The following RMND1 variants were observed in gnomAD, a reference collection of about 807,000 sequenced individuals.
RMND1 encodes required for meiotic nuclear division 1 homolog.
RMND1 carries 41 observed loss-of-function variants against 54.0 expected under a neutral mutation model. The observed-to-expected ratio is 0.76, with a 90% CI of 0.59 to 0.98. The LOEUF (loss-of-function observed/expected upper bound fraction) is 0.98. RMND1 is among the 50% of genes least tolerant of loss of function. The pLI, the probability that RMND1 is intolerant of heterozygous loss-of-function variation, is 0.00. For missense variants in RMND1, 457 were observed against 532.0 expected, an observed-to-expected ratio of 0.86 and a Z score of 1.39; for synonymous variants, 183 against 181.7, an observed-to-expected ratio of 1.01 and a Z score of -0.06.
intron 2 of RMND1, among the ~76,000 whole-genome samples, chr6:151,443,236 C>T (rs937164802): frequency 6.6e-6 from 1 of 152,176 alleles, no homozygotes; most frequent in Non-Finnish European, 1.5e-5. Context: ...GCCAAGACTG[C>T]TTTCTCTATG....
chr6:151,423,401 A>C lies in RMND1; in HGVS notation c.937+124T>G, dbSNP rs143828462. On this transcript the variant is annotated intron_variant, in intron 7 of 11. Transcript: ENST00000444024. The stretch of plus-strand genomic sequence containing the variant: ...GATATTTTTTCTGATGGAGGGAAAA[A>C]AAGGAAAAGGAATGCTAAGGCTTTG... 2.9e-4 allele frequency: 182 copies of C among 632,000 alleles called. No individual in the cohort carries two copies. In the African/African-American group the frequency reaches 3.1e-3, roughly 11 times the overall value. 39.1% of individuals were successfully genotyped at this position (632,000 alleles called of 1,614,324 possible).
At chr6:151,406,953 A>C (rs1371471139) in intron 10 of RMND1, among the ~76,000 whole-genome samples, 4 of 152,006 alleles carry the variant, frequency 2.6e-5, no homozygotes, top group East Asian at 1.9e-4. Flanking sequence ...TGAGCTCAGG[A>C]GTTGGAGACC....
At chr6:151,429,907 G>C (rs1270502541) in intron 5 of RMND1, among the ~76,000 whole-genome samples, 2 of 152,098 alleles carry the variant, frequency 1.3e-5, no homozygotes, top group African/African-American at 4.8e-5. Context: ...AGTTAGGATG[G>C]TTCTGATTCT....
intron 10 of RMND1, among the ~76,000 whole-genome samples, chr6:151,413,621 A>G (rs75715826): frequency 4.6e-5 from 7 of 152,236 alleles, no homozygotes; most frequent in Non-Finnish European, 1.0e-4. Flanking sequence ...AAATACCTCA[A>G]CTGTATAAAG....
intron 1 of RMND1, among the ~76,000 whole-genome samples, chr6:151,451,412 A>G (rs1781191974): frequency 6.6e-6 from 1 of 152,196 alleles, no homozygotes; most frequent in Non-Finnish European, 1.5e-5. Context: ...TATCTTTTGA[A>G]TCTTTTGAAC....
intron 5 of RMND1, among the ~76,000 whole-genome samples, chr6:151,428,054 G>A (rs1422911263): frequency 2.0e-5 from 3 of 152,220 alleles, no homozygotes; most frequent in African/African-American, 7.2e-5. Context: ...CTTGAGCCTG[G>A]GAGGTGGCGG....
intron 1 of RMND1, among the ~76,000 whole-genome samples, chr6:151,446,737 TC>T (rs1239234511): frequency 2.6e-5 from 4 of 151,978 alleles, no homozygotes; most frequent in Non-Finnish European, 5.9e-5. Flanking sequence ...AAACCCCATC[TC>T]TACTAAAAAT....
intron 10 of RMND1, among the ~76,000 whole-genome samples, chr6:151,413,473 C>G (rs1779916749): frequency 6.6e-6 from 1 of 152,310 alleles, no homozygotes; most frequent in Non-Finnish European, 1.5e-5. Flanking sequence ...CTCCTGGCCT[C>G]ATGTGACCTG....
At chr6:151,434,160 C>T (rs1780532654) in intron 3 of RMND1, among the ~76,000 whole-genome samples, 2 of 152,068 alleles carry the variant, frequency 1.3e-5, no homozygotes, top group Admixed American at 1.3e-4. Context: ...ATTGTTAAAA[C>T]ATATACTAAT....
chr6:151,447,908 G>A (rs1218526118), intron 1 of RMND1, among the ~76,000 whole-genome samples: 1 of 148,356 alleles, frequency 6.7e-6, no homozygotes, highest in African/African-American at 2.5e-5. Context: ...CCGCCTCCCC[G>A]GTTCAAGCGA....
In RMND1 at chr6:151,430,505, G is replaced by C. The variant is rs542291865; in HGVS notation, c.690-328C>G. ...TTCTGATCCACAGAAATCAGAATAAGGAAATTTTTTGAGACCTTGTCTTAG... is the reference window on the plus strand; with the variant it reads ...TTCTGATCCACAGAAATCAGAATAACGAAATTTTTTGAGACCTTGTCTTAG... On this transcript the variant is annotated intron_variant, in intron 4 of 11. Transcript: ENST00000444024. 9.7e-4 allele frequency among the ~76,000 whole-genome samples: 148 copies of C among 152,264 alleles called. 1 individual carries two copies. The highest frequency in any genetic ancestry group is 1.8e-3 in the Non-Finnish European group (120 of 68,026).
chr6:151,444,126 T>A (rs1780876801), intron 2 of RMND1, among the ~76,000 whole-genome samples: 2 of 152,210 alleles, frequency 1.3e-5, no homozygotes, highest in Non-Finnish European at 2.9e-5. Flanking sequence ...CCTAGGGACA[T>A]CTCTGACCTA....
At chr6:151,427,341 A>C (rs1390509467) in intron 6 of RMND1, 141 bp downstream of exon 6, 1 of 493,794 alleles carries the variant, frequency 2.0e-6, no homozygotes, top group African/African-American at 2.0e-5. Flanking sequence ...GTGCCACTGC[A>C]CTCCATCCTG....
chr6:151,409,606 C>T (rs569050708), intron 10 of RMND1, among the ~76,000 whole-genome samples: 49 of 152,272 alleles, frequency 3.2e-4, no homozygotes, highest in African/African-American at 9.6e-4. Flanking sequence ...TCATGGTCTC[C>T]GATCTCATGG....
At chr6:151,445,220 G>A (rs1359555783) in intron 2 of RMND1, 88 bp downstream of exon 2, 15 of 1,380,878 alleles carry the variant, frequency 1.1e-5, no homozygotes, top group Non-Finnish European at 1.4e-5. Flanking sequence ...GTTCTCTTAC[G>A]TTGGCGGTAA....
chr6:151,406,462 C>T lies in RMND1; in HGVS notation c.1201-626G>A, dbSNP rs1224664988. ...CTGCAAGCTCTGCCTCCTGGGATCA[C>T]GCCATTCTCCTGCCTCAGCCTCCCA... On this transcript the variant is annotated intron_variant, in intron 10 of 11. Coordinates refer to ENST00000444024, the MANE Select transcript of RMND1 (RefSeq NM_017909.4). 4.6e-5 allele frequency among the ~76,000 whole-genome samples: 7 copies of T among 152,090 alleles called. No homozygotes were observed. In the East Asian group the frequency reaches 5.8e-4, roughly 13 times the overall value.
At chr6:151,430,079 T>C (rs1260343189) in intron 5 of RMND1, 59 bp downstream of exon 5, 1 of 1,101,462 alleles carries the variant, frequency 9.1e-7, no homozygotes, top group Admixed American at 1.8e-5. Flanking sequence ...ATGTGCTAAT[T>C]AACAATTCAT....
chr6:151,437,177 T>G (rs1780638417), intron 2 of RMND1, among the ~76,000 whole-genome samples: 1 of 152,246 alleles, frequency 6.6e-6, no homozygotes, highest in African/African-American at 2.4e-5. Flanking sequence ...GTAAGCACTA[T>G]GGCTCAATGC....
intron 2 of RMND1, among the ~76,000 whole-genome samples, chr6:151,438,448 A>C (rs1338571141): frequency 1.3e-5 from 2 of 152,196 alleles, no homozygotes; most frequent in Non-Finnish European, 2.9e-5. Flanking sequence ...TAGTCCACTG[A>C]AGGATCTTCC....
Sources: gnomAD v4.1 joint callset for allele counts (sites outside exome capture counted in the v4.1 genomes callset) on GRCh38, gnomAD v4.1.1 for gene constraint, MANE v1.5 for transcripts, NCBI Gene and HGNC (gene_info 2026-07-23, HGNC 2026-07-21) for gene names.